THPO: variants seen among roughly 807,000 people sequenced by gnomAD.
THPO encodes MPL ligand.
Under a neutral mutation model 17.0 loss-of-function variants are expected in THPO, and 12 were observed. That is an observed-to-expected ratio of 0.71 (90% CI 0.45 to 1.14). The LOEUF (loss-of-function observed/expected upper bound fraction) is 1.14. Among genes scored for constraint, THPO ranks in the 50% most tolerant of loss-of-function variants. The pLI is 0.00. For synonymous variants in THPO, 188 were observed against 183.0 expected, an observed-to-expected ratio of 1.03 and a Z score of -0.22; for missense variants, 365 against 427.5, an observed-to-expected ratio of 0.85 and a Z score of 1.29.
rs562477274 is a variant in THPO at position 184,374,097 on chromosome 3, G to A, written c.229-515C>T. Among the ~76,000 whole-genome samples the A allele has an allele frequency of 2.0e-3, 305 of 152,200 alleles. 3 individuals are homozygous for A. The highest frequency in any genetic ancestry group is 7.2e-3 in the African/African-American group (298 of 41,522). On this transcript the variant is annotated intron_variant, in intron 4 of 5. Transcript: ENST00000647395. ...ACAAAAATTAGCTGGGCATGGTGGTGGGCACCTGTAATCCCAGCTACTTGG... is the reference window on the plus strand; with the variant it reads ...ACAAAAATTAGCTGGGCATGGTGGTAGGCACCTGTAATCCCAGCTACTTGG...
chr3:184,374,095 G>A (rs960723884), intron 4 of THPO, among the ~76,000 whole-genome samples: 6 of 152,290 alleles, frequency 3.9e-5, no homozygotes, highest in Non-Finnish European at 8.8e-5. Flanking sequence ...GGGCATGGTG[G>A]TGGGCACCTG....
chr3:184,375,424 A>G, intron 4 of THPO, 91 bp downstream of exon 4: 1 of 1,378,366 alleles, frequency 7.3e-7, no homozygotes, highest in South Asian at 1.2e-5. Flanking sequence ...GATATTTTTA[A>G]AAAGCTCAAG....
chr3:184,373,243 G>C, intron 5 of THPO, 65 bp from the exon 6 acceptor site: 1 of 1,599,284 alleles, frequency 6.3e-7, no homozygotes, highest in Non-Finnish European at 8.5e-7. Context: ...CCTTGTCTAA[G>C]TAGGAAAGAC....
chr3:184,376,123 C>G, intron 2 of THPO, 108 bp from the exon 3 acceptor site: 1 of 1,612,196 alleles, frequency 6.2e-7, no homozygotes, highest in Non-Finnish European at 8.5e-7. Flanking sequence ...GAATCCACCC[C>G]TCAGACCCCT....
chr3:184,376,768 C>T (rs571449384), intron 1 of THPO, among the ~76,000 whole-genome samples: 80 of 151,616 alleles, frequency 5.3e-4, no homozygotes, highest in African/African-American at 1.8e-3. Flanking sequence ...TCGCTTGTAC[C>T]TGGGAGGCGG....
chr3:184,372,448 G>A lies in THPO; in HGVS notation c.*65C>T, dbSNP rs909864589. ...GGAAATCTTGTCCAGTTGTCTCCCA[G>A]GGGCGCCCTGCAGGGAAGGGAGCTG... On this transcript the variant is annotated 3_prime_UTR_variant, in exon 6 of 6. Coordinates refer to ENST00000647395, the MANE Select transcript of THPO (RefSeq NM_000460.4). The A allele has an allele frequency of 1.3e-6, 2 of 1,595,974 alleles. No homozygotes were observed. The highest frequency in any genetic ancestry group is 3.3e-5 in the Admixed American group (2 of 59,966).
chr3:184,375,018 C>T (rs1456828430), intron 4 of THPO, among the ~76,000 whole-genome samples: 2 of 152,186 alleles, frequency 1.3e-5, no homozygotes, highest in Non-Finnish European at 2.9e-5. Flanking sequence ...AAACTCCTGC[C>T]CTCAGGTGAT....
chr3:184,372,331 C>T lies in THPO; in HGVS notation c.*182G>A. 1 of 705,402 alleles carries T rather than the reference C, an allele frequency of 1.4e-6. No individual in the cohort carries two copies. Among genetic ancestry groups the T allele is most frequent in the South Asian group, 1.8e-5 (1 of 54,812 alleles). 43.7% of individuals were successfully genotyped at this position (705,402 alleles called of 1,614,324 possible). On this transcript the variant is annotated 3_prime_UTR_variant, in exon 6 of 6. Transcript: ENST00000647395. ...TATTGCTGATAGCTTAAAAAAATAG[C>T]TTCTGAAGGTTTATAATGTACAGTG...
chr3:184,377,822 T>A (rs961638071), intron 1 of THPO, among the ~76,000 whole-genome samples: 5 of 152,216 alleles, frequency 3.3e-5, no homozygotes, highest in African/African-American at 1.2e-4. Context: ...CCTGGGCTCA[T>A]GTCCCCTTTC....
intron 2 of THPO, 31 bp downstream of exon 2, chr3:184,376,216 T>C (rs1378631247): frequency 4.3e-6 from 7 of 1,614,030 alleles, no homozygotes; most frequent in African/African-American, 1.3e-5. Context: ...CATGTTTCCA[T>C]ATGGCCCTAG....
upstream of THPO, among the ~76,000 whole-genome samples, chr3:184,379,442 C>G (rs530909714): frequency 2.7e-4 from 41 of 151,952 alleles, no homozygotes; most frequent in Non-Finnish European, 5.0e-4. Flanking sequence ...GGAATGCTGC[C>G]GGTTTCTGGC....
chr3:184,373,281 T>C (rs894731740), intron 5 of THPO, 103 bp from the exon 6 acceptor site: 2 of 1,568,344 alleles, frequency 1.3e-6, no homozygotes, highest in Non-Finnish European at 1.7e-6. Flanking sequence ...GCATTGTGGC[T>C]GGCAGGGAGC....
In THPO at chr3:184,373,480, G is replaced by C. The variant is rs770301941; in HGVS notation, c.331C>G (p.Leu111Val). Residue 111 changes from leucine (L) to valine (V), a missense_variant, in exon 5 of 6, where the codon CTG becomes GTG. Coordinates refer to ENST00000647395, the MANE Select transcript of THPO (RefSeq NM_000460.4). Reference protein sequence around the residue: ...QLGPTCLSSLLGQLSGQVRLL... With the variant: ...QLGPTCLSSLVGQLSGQVRLL... ...CGGACCTGTCCAGAAAGCTGCCCCA[G>C]GAGGGATGAGAGGCAAGTGGGTCCC... The C allele has an allele frequency of 6.2e-7, 1 of 1,614,152 alleles. No homozygotes were observed. Among genetic ancestry groups the C allele is most frequent in the Non-Finnish European group, 8.5e-7 (1 of 1,180,028 alleles).
chr3:184,376,275 T>C lies in THPO; in HGVS notation c.-16A>G. On this transcript the variant is annotated 5_prime_UTR_variant, in exon 2 of 6. Coordinates refer to ENST00000647395, the MANE Select transcript of THPO (RefSeq NM_000460.4). ...TCAGCTCCATTCTGGCCGGGGTGTC[T>C]GGCTGGCGTGGCTCCCTGTTTGGGG... 1 of 1,614,232 alleles carries C rather than the reference T, an allele frequency of 6.2e-7. No individual in the cohort carries two copies. Among genetic ancestry groups the C allele is most frequent in the Non-Finnish European group, 8.5e-7 (1 of 1,180,030 alleles).
upstream of THPO, chr3:184,378,458 G>T (rs1714635275): frequency 3.2e-6 from 3 of 946,592 alleles, no homozygotes; most frequent in South Asian, 1.5e-4. Flanking sequence ...AAGCACAGAG[G>T]TCTTGTTTAA....
At chr3:184,373,927 G>A (rs1391267632) in intron 4 of THPO, among the ~76,000 whole-genome samples, 2 of 152,166 alleles carry the variant, frequency 1.3e-5, no homozygotes, top group East Asian at 3.9e-4. Context: ...AGGATCATTT[G>A]ATTTTTAAAC....
chr3:184,378,244 A>G (rs977444348), upstream of THPO: 3 of 985,414 alleles, frequency 3.0e-6, no homozygotes, highest in Admixed American at 6.1e-5. Context: ...ACACTGGTGA[A>G]GGCCCCCGGA....
rs878973580 is a variant in THPO, at chr3:184,372,453, G to A, written c.*60C>T. On this transcript the variant is annotated 3_prime_UTR_variant, in exon 6 of 6. Coordinates refer to ENST00000647395, the MANE Select transcript of THPO (RefSeq NM_000460.4). ...TCTTGTCCAGTTGTCTCCCAGGGGC[G>A]CCCTGCAGGGAAGGGAGCTGTACAC... 8 of 1,597,114 alleles carry A rather than the reference G, an allele frequency of 5.0e-6. No homozygotes were observed. The highest frequency in any genetic ancestry group is 2.2e-5 in the South Asian group (2 of 90,568).
At chr3:184,376,587 G>A (rs565109088) in intron 1 of THPO, among the ~76,000 whole-genome samples, 183 bp from the exon 2 acceptor site, 121 of 152,314 alleles carry the variant, frequency 7.9e-4, no homozygotes, top group African/African-American at 2.8e-3. Flanking sequence ...GCTCATGCCT[G>A]TAATCCCAGC....
Sources: gnomAD v4.1 joint callset for allele counts (sites outside exome capture counted in the v4.1 genomes callset) on GRCh38, gnomAD v4.1.1 for gene constraint, MANE v1.5 for transcripts, NCBI Gene and HGNC (gene_info 2026-07-23, HGNC 2026-07-21) for gene names.